The following PRKAR2B variants were observed in gnomAD, a reference collection of about 807,000 sequenced individuals.
The protein encoded by PRKAR2B is protein kinase cAMP-dependent type II regulatory subunit beta.
Under a neutral mutation model 49.9 loss-of-function variants are expected in PRKAR2B, and 14 were observed. The observed-to-expected ratio is 0.28, with a 90% CI of 0.19 to 0.44. The LOEUF (loss-of-function observed/expected upper bound fraction) is 0.44, where lower values mean the gene tolerates loss of function less well. Ranked by LOEUF, PRKAR2B falls within the 20% of genes least tolerant of loss-of-function variation. The pLI is 1.00. For synonymous variants in PRKAR2B, 196 were observed against 197.7 expected (o/e 0.99, Z 0.07); for missense variants, 393 against 537.9 (o/e 0.73, Z 2.67).
chr7:107,092,216 T>C (rs2116801299), intron 2 of PRKAR2B, among the ~76,000 whole-genome samples: 1 of 151,768 alleles, frequency 6.6e-6, no homozygotes, highest in East Asian at 1.9e-4. Flanking sequence ...GTTTGGATTT[T>C]ATTCTGTATG....
chr7:107,098,057 G>T (rs1794880487), intron 2 of PRKAR2B, among the ~76,000 whole-genome samples: 1 of 152,180 alleles, frequency 6.6e-6, no homozygotes, highest in Admixed American at 6.5e-5. Context: ...GTGTTAGCCT[G>T]CCTTGCTAGG....
chr7:107,120,974 A>G (rs10281447), intron 2 of PRKAR2B, among the ~76,000 whole-genome samples: 4,650 of 151,072 alleles, frequency 0.031, 237 homozygotes, highest in African/African-American at 0.1. Context: ...GTCAATTTAA[A>G]TAAATAATTT....
At chr7:107,051,670 A>C (rs748058403) in intron 1 of PRKAR2B, among the ~76,000 whole-genome samples, 1 of 152,218 alleles carries the variant, frequency 6.6e-6, no homozygotes, top group African/African-American at 2.4e-5. Flanking sequence ...AATCAGAACT[A>C]TAAACAGTTG....
At chr7:107,051,940 T>C (rs1793813480) in intron 1 of PRKAR2B, among the ~76,000 whole-genome samples, 1 of 152,062 alleles carries the variant, frequency 6.6e-6, no homozygotes, top group Admixed American at 6.6e-5. Context: ...GACAAAATAG[T>C]CCATGGGAGT....
chr7:107,071,575 T>C (rs890935334), intron 2 of PRKAR2B, among the ~76,000 whole-genome samples: 10 of 152,286 alleles, frequency 6.6e-5, no homozygotes, highest in South Asian at 2.1e-4. Flanking sequence ...AGTGTAGTAG[T>C]CCTTTATGAG....
intron 6 of PRKAR2B, among the ~76,000 whole-genome samples, chr7:107,148,688 A>G (rs1375781372): frequency 1.3e-5 from 2 of 152,204 alleles, no homozygotes; most frequent in East Asian, 3.8e-4. Flanking sequence ...TTTAAGGTCA[A>G]CAGACTGGAG....
intron 5 of PRKAR2B, among the ~76,000 whole-genome samples, chr7:107,142,628 A>G (rs1260021166): frequency 6.6e-6 from 1 of 152,242 alleles, no homozygotes; most frequent in East Asian, 1.9e-4. Context: ...GGTTCAGATC[A>G]CCCAAATGAC....
At chr7:107,132,364 A>G (rs1220673233) in intron 4 of PRKAR2B, among the ~76,000 whole-genome samples, 1 of 152,172 alleles carries the variant, frequency 6.6e-6, no homozygotes, top group Non-Finnish European at 1.5e-5. Flanking sequence ...ACAGCTGAAG[A>G]GTTTTAGTCA....
intron 3 of PRKAR2B, among the ~76,000 whole-genome samples, chr7:107,125,734 C>T (rs950815416): frequency 1.3e-5 from 2 of 151,954 alleles, no homozygotes; most frequent in Admixed American, 1.3e-4. Flanking sequence ...AAAAGGGAAA[C>T]AGGAGGAGAG....
chr7:107,102,973 A>G (rs939724653), intron 2 of PRKAR2B, among the ~76,000 whole-genome samples: 3 of 152,146 alleles, frequency 2.0e-5, no homozygotes, highest in African/African-American at 7.2e-5. Flanking sequence ...GCTCAGCTGA[A>G]AGAAATAGTT....
intron 2 of PRKAR2B, chr7:107,077,652 G>A (rs1442158422): frequency 6.6e-6 from 1 of 152,198 alleles, no homozygotes; most frequent in African/African-American, 2.4e-5. Context: ...AAGGCCAGGA[G>A]TTATTTCATC....
At chr7:107,143,967 A>G (rs1263449380) in intron 5 of PRKAR2B, among the ~76,000 whole-genome samples, 4 of 152,324 alleles carry the variant, frequency 2.6e-5, no homozygotes, top group South Asian at 4.1e-4. Flanking sequence ...CTGTACTTGA[A>G]AAATGATTAT....
chr7:107,044,977 C>G lies in PRKAR2B; in HGVS notation c.70C>G (p.Gln24Glu). ...CTTCACGGTGGAGGTGCTGAGGCAC[C>G]AGCCCGCGGACCTGCTGGAGTTCGC... The part of the protein sequence containing the change: ...QGFTVEVLRH[Q>E]PADLLEFALQ... Residue 24 changes from glutamine to glutamate, a missense_variant, in exon 1 of 11, where the codon CAG becomes GAG. Around this residue, in one of 2 missense-constraint regions of PRKAR2B, gnomAD observed 160 missense variants for 147.6 expected, o/e 1.08. Coordinates refer to ENST00000265717, the MANE Select transcript of PRKAR2B (RefSeq NM_002736.3). 3 of 1,579,024 alleles carry G rather than the reference C, an allele frequency of 1.9e-6. No individual in the cohort carries two copies. The highest frequency in any genetic ancestry group is 2.6e-6 in the Non-Finnish European group (3 of 1,165,370).
Position 107,055,657 on chromosome 7 carries a change from G to A in PRKAR2B, c.307+10443G>A, listed in dbSNP as rs1051804096. Among the ~76,000 whole-genome samples, 30 of 152,284 alleles carry A rather than the reference G, an allele frequency of 2.0e-4. 1 individual carries two copies. The highest frequency in any genetic ancestry group is 8.3e-4 in the South Asian group (4 of 4,826). Reference sequence around the variant, plus strand: ...TATCCTTTGCCCCCTTTTTGATGGGGTTGGTTGATTTTTTCTTGTAAATTT... The same window carrying A: ...TATCCTTTGCCCCCTTTTTGATGGGATTGGTTGATTTTTTCTTGTAAATTT... On this transcript the variant is annotated intron_variant, in intron 1 of 10. Transcript: ENST00000265717.
intron 4 of PRKAR2B, among the ~76,000 whole-genome samples, chr7:107,132,508 C>G (rs757848906): frequency 6.6e-6 from 1 of 151,990 alleles, no homozygotes; most frequent in Non-Finnish European, 1.5e-5. Flanking sequence ...AGGTCATGAT[C>G]TAGGGAAGAG....
At chr7:107,075,306 T>G (rs1237938727) in intron 2 of PRKAR2B, among the ~76,000 whole-genome samples, 1 of 152,066 alleles carries the variant, frequency 6.6e-6, no homozygotes, top group East Asian at 1.9e-4. Context: ...TTTCACCATG[T>G]TGGCCAGGAT....
At chr7:107,055,849 G>C (rs2116753556) in intron 1 of PRKAR2B, among the ~76,000 whole-genome samples, 1 of 152,274 alleles carries the variant, frequency 6.6e-6, no homozygotes, top group Non-Finnish European at 1.5e-5. Flanking sequence ...TTTGGCTTTT[G>C]TTGCCACTGC....
chr7:107,159,056 G>A (rs1313322556), intron 10 of PRKAR2B, among the ~76,000 whole-genome samples: 1 of 152,198 alleles, frequency 6.6e-6, no homozygotes, highest in Non-Finnish European at 1.5e-5. Flanking sequence ...TTTAAACCCT[G>A]AGAAGGGAAC....
At chr7:107,116,431 A>G (rs1365444236) in intron 2 of PRKAR2B, among the ~76,000 whole-genome samples, 2 of 152,046 alleles carry the variant, frequency 1.3e-5, no homozygotes, top group African/African-American at 2.4e-5. Context: ...TGATTTCTAG[A>G]CTGTTTCTAT....
Sources: gnomAD v4.1 joint callset for allele counts (sites outside exome capture counted in the v4.1 genomes callset) on GRCh38, gnomAD v4.1.1 for gene constraint, gnomAD v4.1.1 regional missense constraint, MANE v1.5 for transcripts, NCBI Gene and HGNC (gene_info 2026-07-23, HGNC 2026-07-21) for gene names.